Variants in GPC5 observed in about 807,000 individuals in gnomAD.
GPC5 encodes glypican 5.
GPC5 carries 47 observed loss-of-function variants against 53.9 expected under a neutral mutation model. The observed-to-expected ratio is 0.87, with a 90% CI of 0.69 to 1.11. GPC5 has a LOEUF of 1.11. Among genes scored for constraint, GPC5 ranks in the 50% most tolerant of loss-of-function variants. The pLI is 0.00. For synonymous variants in GPC5, 286 were observed against 263.3 expected (o/e 1.09, Z -0.84); for missense variants, 748 against 713.1 (o/e 1.05, Z -0.56).
chr13:91,816,313 C>A (rs1418688639), intron 5 of GPC5, among the ~76,000 whole-genome samples: 1 of 151,964 alleles, frequency 6.6e-6, no homozygotes, highest in Non-Finnish European at 1.5e-5. Flanking sequence ...TGAGTGAATG[C>A]TTAAAAGAAT....
In GPC5 at chr13:92,814,514, A is replaced by G. The variant is rs150630881; in HGVS notation, c.1562-51768A>G. 8.7e-3 allele frequency among the ~76,000 whole-genome samples: 1,317 copies of G among 151,802 alleles called. 39 individuals carry two copies. The highest frequency in any genetic ancestry group is 0.031 in the African/African-American group (1,264 of 41,224). On this transcript the variant is annotated intron_variant, in intron 7 of 7. Transcript: ENST00000377067. ...CGTCTCTACTAAAAATACAAAAATT[A>G]GCCGGGCATGGTGGCAGAAGCTAGT...
intron 7 of GPC5, among the ~76,000 whole-genome samples, chr13:92,172,531 A>G (rs2042077931): frequency 6.6e-6 from 1 of 152,204 alleles, no homozygotes; most frequent in African/African-American, 2.4e-5. Context: ...AGAGTAAAAT[A>G]AAGTGGTAAA....
intron 7 of GPC5, among the ~76,000 whole-genome samples, chr13:92,452,497 A>G (rs915196582): frequency 5.3e-5 from 8 of 152,172 alleles, no homozygotes; most frequent in African/African-American, 1.9e-4. Context: ...TATGTGCCCA[A>G]CTTTGCTCTT....
At chr13:92,163,834 A>C (rs2042008282) in intron 7 of GPC5, among the ~76,000 whole-genome samples, 1 of 152,196 alleles carries the variant, frequency 6.6e-6, no homozygotes, top group Admixed American at 6.5e-5. Flanking sequence ...AATACCCAAG[A>C]CTGGGTAATT....
chr13:91,989,208 G>C (rs2040435303), intron 6 of GPC5, among the ~76,000 whole-genome samples: 1 of 152,106 alleles, frequency 6.6e-6, no homozygotes, highest in Admixed American at 6.6e-5. Context: ...TTTTTACTGA[G>C]TTATTTTAGC....
In GPC5 at chr13:92,312,457, AAGG is replaced by A. The variant is rs376869814; in HGVS notation, c.1561+167472_1561+167474del. Among the ~76,000 whole-genome samples the A allele has an allele frequency of 4.7e-4, 71 of 152,304 alleles. 1 individual carries two copies. The highest frequency in any genetic ancestry group is 1.5e-3 in the African/African-American group (63 of 41,572). On this transcript the variant is annotated intron_variant, in intron 7 of 7. Transcript: ENST00000377067. ...CAGTGGTTATGTCAAAAAATAATGAAAGGAGGTTGATTATATGAGAAAGGCATT... is the reference window on the plus strand; with the variant it reads ...CAGTGGTTATGTCAAAAAATAATGAAAGGTTGATTATATGAGAAAGGCATT...
At chr13:91,840,777 C>T in intron 5 of GPC5, among the ~76,000 whole-genome samples, 1 of 149,950 alleles carries the variant, frequency 6.7e-6, no homozygotes, top group African/African-American at 2.5e-5. Context: ...ATGTTTAGAT[C>T]TTTAAATATT....
At chr13:92,450,852 T>C (rs1878032838) in intron 7 of GPC5, among the ~76,000 whole-genome samples, 1 of 152,156 alleles carries the variant, frequency 6.6e-6, no homozygotes, top group Non-Finnish European at 1.5e-5. Flanking sequence ...CTTAGTGGGT[T>C]TCATTGTTGT....
intron 2 of GPC5, among the ~76,000 whole-genome samples, chr13:91,588,467 C>G (rs1381546777): frequency 6.6e-6 from 1 of 152,086 alleles, no homozygotes; most frequent in South Asian, 2.1e-4. Flanking sequence ...GATAGTGCCA[C>G]TTTTATGAGA....
intron 1 of GPC5, among the ~76,000 whole-genome samples, chr13:91,429,183 G>A (rs2351863): frequency 0.46 from 69,892 of 152,016 alleles, 16,650 homozygotes; most frequent in Middle Eastern, 0.56. Flanking sequence ...GCCTCCCAAA[G>A]TACTGGGATT....
intron 6 of GPC5, among the ~76,000 whole-genome samples, chr13:91,972,372 G>A (rs1208096911): frequency 6.6e-6 from 1 of 152,146 alleles, no homozygotes; most frequent in Non-Finnish European, 1.5e-5. Context: ...CTGCACGTGA[G>A]ATGGGTTTCC....
intron 7 of GPC5, among the ~76,000 whole-genome samples, chr13:92,684,372 G>A (rs566064178): frequency 6.6e-6 from 1 of 152,208 alleles, no homozygotes; most frequent in East Asian, 1.9e-4. Flanking sequence ...CTGGGCTCAA[G>A]GGATTTTCCT....
At chr13:91,832,039 G>A (rs1037526908) in intron 5 of GPC5, among the ~76,000 whole-genome samples, 4 of 151,942 alleles carry the variant, frequency 2.6e-5, no homozygotes, top group African/African-American at 9.7e-5. Flanking sequence ...TCATTGATCT[G>A]TCTAATAGTG....
chr13:92,296,126 G>A (rs1377697712), intron 7 of GPC5, among the ~76,000 whole-genome samples: 1 of 152,124 alleles, frequency 6.6e-6, no homozygotes, highest in Non-Finnish European at 1.5e-5. Flanking sequence ...ACTGTCTGTA[G>A]GTCTCTCAGC....
intron 5 of GPC5, among the ~76,000 whole-genome samples, chr13:91,907,503 TTA>T (rs369447673): frequency 1.6e-4 from 21 of 129,534 alleles, no homozygotes; most frequent in Non-Finnish European, 2.1e-4. Flanking sequence ...CTCTCTCTCT[TTA>T]TATATATATA....
At chr13:91,520,315 G>T (rs968148073) in intron 2 of GPC5, among the ~76,000 whole-genome samples, 1 of 152,132 alleles carries the variant, frequency 6.6e-6, no homozygotes, top group Non-Finnish European at 1.5e-5. Context: ...TATCACCTTG[G>T]CTAGTTTCCT....
chr13:92,656,714 C>CA (rs1886147986), intron 7 of GPC5, among the ~76,000 whole-genome samples: 1 of 152,138 alleles, frequency 6.6e-6, no homozygotes, highest in South Asian at 2.1e-4. Flanking sequence ...ATAGCAAAAA[C>CA]AGGCCAAAGT....
Position 92,106,243 on chromosome 13 carries a change from A to T in GPC5, c.1402-38587A>T, listed in dbSNP as rs571822032. ...ATTTAAATATGTGAGGATCTCCTAA[A>T]AATCTAAAAAAGATGGACCCCCAAT... On this transcript the variant is annotated intron_variant, in intron 6 of 7. Coordinates refer to ENST00000377067, the MANE Select transcript of GPC5 (RefSeq NM_004466.6). Among the ~76,000 whole-genome samples, 3 of 152,186 alleles carry T rather than the reference A, an allele frequency of 2.0e-5. No homozygotes were observed. The South Asian group carries it at 6.2e-4, about 32-fold the overall frequency.
chr13:91,636,647 C>A (rs1023041364), intron 2 of GPC5, among the ~76,000 whole-genome samples: 1 of 152,082 alleles, frequency 6.6e-6, no homozygotes, highest in Non-Finnish European at 1.5e-5. Context: ...TGCTAAAATT[C>A]TGACTGAAAA....
Sources: allele counts gnomAD v4.1 joint callset (sites outside exome capture counted in the v4.1 genomes callset), GRCh38; gene constraint gnomAD v4.1.1; transcripts MANE v1.5; gene names NCBI Gene and HGNC (gene_info 2026-07-23, HGNC 2026-07-21).